The following MED1 variants were observed in gnomAD, a reference collection of about 807,000 sequenced individuals.
MED1 encodes mediator of RNA polymerase II transcription subunit 1.
In MED1, 17 loss-of-function variants were observed where a neutral mutation model predicts 121.3. The ratio of observed to expected loss-of-function variants is 0.14; its 90% confidence interval spans 0.10 to 0.21. The LOEUF is 0.21. Among genes scored for constraint, MED1 ranks in the 10% least tolerant of loss-of-function variants. The pLI, the probability that MED1 is intolerant of heterozygous loss-of-function variation, is 1.00. For missense variants in MED1, 1,558 were observed against 1,919.4 expected, an observed-to-expected ratio of 0.81 and a Z score of 3.52; for synonymous variants, 661 against 694.4, an observed-to-expected ratio of 0.95 and a Z score of 0.76.
chr17:39,442,482 AG>A (rs1469139162), intron 3 of MED1, among the ~76,000 whole-genome samples: 2 of 151,474 alleles, frequency 1.3e-5, no homozygotes, highest in Non-Finnish European at 2.9e-5. Flanking sequence ...CTGTAGTCCC[AG>A]CTGCTTGGGA....
chr17:39,442,246 A>G (rs2048682441), intron 3 of MED1, among the ~76,000 whole-genome samples: 1 of 152,094 alleles, frequency 6.6e-6, no homozygotes, highest in Non-Finnish European at 1.5e-5. Context: ...TATATTTTAC[A>G]TTTGCTTTCC....
Position 39,410,595 on chromosome 17 carries a change from C to T in MED1, c.1626G>A (p.Pro542=), listed in dbSNP as rs1007060782. 15 of 1,614,062 alleles carry T rather than the reference C, an allele frequency of 9.3e-6. No homozygotes were observed. Among genetic ancestry groups the T allele is most frequent in the Non-Finnish European group, 1.3e-5 (15 of 1,180,020 alleles). The change falls in exon 17 of 17, where the codon CCG becomes CCA. Residue 542 remains proline (P), a synonymous_variant. Coordinates refer to ENST00000300651, the MANE Select transcript of MED1 (RefSeq NM_004774.4). ...TCATGCCATACCCTGGGCTGCTAGCCGGGGGCAGGTTCTTTTTCACCATGT... is the reference window on the plus strand; with the variant it reads ...TCATGCCATACCCTGGGCTGCTAGCTGGGGGCAGGTTCTTTTTCACCATGT... The part of the protein sequence containing the change: ...VEDMVKKNLP[P]ASSPGYGMTT...
At chr17:39,416,485 C>A (rs990572349) in intron 14 of MED1, among the ~76,000 whole-genome samples, 2 of 152,144 alleles carry the variant, frequency 1.3e-5, no homozygotes, top group Non-Finnish European at 2.9e-5. Flanking sequence ...CATATACTTT[C>A]TTTGTAAAAA....
At chr17:39,414,614 C>A (rs866879170) in intron 16 of MED1, among the ~76,000 whole-genome samples, 2 of 121,938 alleles carry the variant, frequency 1.6e-5, no homozygotes, top group Non-Finnish European at 3.2e-5. Context: ...GGATTACAGG[C>A]GTGAGCCACC....
intron 1 of MED1, 124 bp from the exon 2 acceptor site, chr17:39,448,028 C>A: frequency 1.5e-5 from 9 of 601,962 alleles, no homozygotes; most frequent in Middle Eastern, 4.2e-4. Flanking sequence ...TTTCCAAAAT[C>A]ATTTTACTTC....
intron 5 of MED1, 70 bp from the exon 6 acceptor site, chr17:39,439,263 T>C: frequency 8.2e-7 from 1 of 1,218,614 alleles, no homozygotes; most frequent in African/African-American, 1.6e-5. Context: ...CAAAAGCCTT[T>C]CTCTTTTTCT....
chr17:39,434,014 T>C (rs907671004), intron 7 of MED1, among the ~76,000 whole-genome samples: 2 of 152,194 alleles, frequency 1.3e-5, no homozygotes, highest in Admixed American at 6.6e-5. Flanking sequence ...ATTGGAATGT[T>C]GGACATCTCA....
chr17:39,447,570 A>G (rs577737644), intron 2 of MED1, among the ~76,000 whole-genome samples: 2 of 152,254 alleles, frequency 1.3e-5, no homozygotes, highest in East Asian at 3.9e-4. Context: ...ATATTTGCAA[A>G]TATTCCAAAA....
chr17:39,433,155 A>C (rs757846403), intron 7 of MED1, among the ~76,000 whole-genome samples: 1 of 151,752 alleles, frequency 6.6e-6, no homozygotes, highest in Non-Finnish European at 1.5e-5. Context: ...GTGAGCCGAG[A>C]TGGCACCACT....
intron 6 of MED1, among the ~76,000 whole-genome samples, chr17:39,438,884 G>A (rs1327041159): frequency 6.6e-6 from 1 of 152,200 alleles, no homozygotes; most frequent in Non-Finnish European, 1.5e-5. Context: ...AGGAGGCAGA[G>A]GTTGCAGTGA....
chr17:39,407,716 T>C lies in MED1; in HGVS notation c.4505A>G (p.Lys1502Arg), dbSNP rs187579593. The change falls in exon 17 of 17, where the codon AAG becomes AGG. Residue 1502 changes from lysine to arginine, a missense_variant. Coordinates refer to ENST00000300651, the MANE Select transcript of MED1 (RefSeq NM_004774.4). ...TTTGTCTTTTACTTTCTTCTTTTCC[T>C]TTTTGTGCTTCTTATGTTTCTCTGT... ...YSTEKHKKHK[K>R]EKKKVKDKDR... 3.3e-4 allele frequency: 540 copies of C among 1,614,136 alleles called. 1 individual carries two copies. Among genetic ancestry groups the C allele is most frequent in the Non-Finnish European group, 4.2e-4 (496 of 1,179,970 alleles).
chr17:39,445,404 G>A (rs1269510204), intron 2 of MED1: 2 of 151,934 alleles, frequency 1.3e-5, no homozygotes, highest in Non-Finnish European at 1.5e-5. Flanking sequence ...TAGAGACAGG[G>A]TTTTACCTTG....
At chr17:39,446,352 A>C (rs1248579946) in intron 2 of MED1, among the ~76,000 whole-genome samples, 1 of 145,038 alleles carries the variant, frequency 6.9e-6, no homozygotes, top group African/African-American at 2.6e-5. Context: ...CGGGAGGCTG[A>C]GGCAGGAGAA....
At chr17:39,412,456 G>T (rs1056993356) in intron 16 of MED1, among the ~76,000 whole-genome samples, 1 of 149,980 alleles carries the variant, frequency 6.7e-6, no homozygotes, top group Non-Finnish European at 1.5e-5. Context: ...TCGAACTCCT[G>T]ACCTCAGGCG....
chr17:39,439,204 A>G lies in MED1; in HGVS notation c.400-11T>C. On this transcript the variant is annotated splice_polypyrimidine_tract_variant and intron_variant, in intron 5 of 16. Transcript: ENST00000300651. ...AAGCTCCGGACAGCTCTGAAATCAA[A>G]GAAAATTATGTTAAAACATTAAAAC... 1 of 1,578,532 alleles carries G rather than the reference A, an allele frequency of 6.3e-7. No homozygotes were observed. Among genetic ancestry groups the G allele is most frequent in the Non-Finnish European group, 8.5e-7 (1 of 1,171,604 alleles).
At chr17:39,443,525 G>A in intron 3 of MED1, 25 bp downstream of exon 3, 5 of 1,590,122 alleles carry the variant, frequency 3.1e-6, no homozygotes, top group Non-Finnish European at 4.3e-6. Flanking sequence ...TGTGAAATCA[G>A]CATATTTCAA....
intron 14 of MED1, among the ~76,000 whole-genome samples, chr17:39,419,006 C>T (rs2048436174): frequency 6.6e-6 from 1 of 152,048 alleles, no homozygotes; most frequent in African/African-American, 2.4e-5. Context: ...AGGATGGTCT[C>T]AATCTCTTGA....
intron 11 of MED1, 66 bp from the exon 12 acceptor site, chr17:39,423,887 C>CTTTT: frequency 8.3e-7 from 1 of 1,198,702 alleles, no homozygotes; most frequent in Non-Finnish European, 1.1e-6. Context: ...ACCCAAACAC[C>CTTTT]TTTTTTTTTT....
rs1567917296 is a variant in MED1, at chr17:39,408,045, A to G, written c.4176T>C (p.Ile1392=). The G allele has an allele frequency of 6.8e-6, 11 of 1,614,126 alleles. No homozygotes were observed. Among genetic ancestry groups the G allele is most frequent in the Non-Finnish European group, 9.3e-6 (11 of 1,180,022 alleles). ...KNVGSTGVAK[I]IISKHDGGSP... is the part of the protein sequence containing the mutation. Reference sequence around the variant, plus strand: ...AGCCTCCATCATGCTTACTGATGATAATTTTTGCCACACCTGTGCTCCCCA... The same window carrying G: ...AGCCTCCATCATGCTTACTGATGATGATTTTTGCCACACCTGTGCTCCCCA... Residue 1392 remains isoleucine (I), a synonymous_variant, in exon 17 of 17, where the codon ATT becomes ATC. Transcript: ENST00000300651. This position sits in a 1 kb window ranked among gnomAD's most constrained non-coding sequence, Gnocchi z 4.7.
Sources: allele counts gnomAD v4.1 joint callset (sites outside exome capture counted in the v4.1 genomes callset), GRCh38; gene constraint gnomAD v4.1.1; non-coding constraint Gnocchi (gnomAD v3.1); transcripts MANE v1.5; gene names NCBI Gene and HGNC (gene_info 2026-07-23, HGNC 2026-07-21).